Variants in IL7 observed in about 807,000 individuals in gnomAD.
The protein encoded by IL7 is interleukin-7.
In IL7, 3 loss-of-function variants were observed where a neutral mutation model predicts 21.6. The observed-to-expected ratio is 0.14, with a 90% CI of 0.06 to 0.36. The LOEUF (loss-of-function observed/expected upper bound fraction) is 0.36. Among genes scored for constraint, IL7 ranks in the 10% least tolerant of loss-of-function variants. IL7 has a pLI of 1.00. For missense variants in IL7, 175 were observed against 200.2 expected (o/e 0.87, Z 0.76); for synonymous variants, 62 against 68.1 (o/e 0.91, Z 0.44).
At chr8:78,719,096 A>G (rs908514705) in exon 6 of IL7, 1 of 151,808 alleles carries the variant, frequency 6.6e-6, no homozygotes, top group African/African-American at 2.4e-5. Flanking sequence ...CAAATAGTCC[A>G]TCAACTAAAA....
intron 2 of IL7, among the ~76,000 whole-genome samples, chr8:78,786,663 C>G (rs1351673061): frequency 1.3e-5 from 2 of 152,168 alleles, no homozygotes; most frequent in African/African-American, 4.8e-5. Flanking sequence ...TATATGCAGT[C>G]CCTCATTGAC....
chr8:78,793,513 A>C (rs1386431922), intron 2 of IL7, among the ~76,000 whole-genome samples: 2 of 152,146 alleles, frequency 1.3e-5, no homozygotes, highest in Non-Finnish European at 2.9e-5. Flanking sequence ...CAATGTATAC[A>C]TTTTAATTTA....
intron 3 of IL7, among the ~76,000 whole-genome samples, chr8:78,687,958 ATATT>A (rs1322614650): frequency 6.9e-6 from 1 of 144,356 alleles, no homozygotes; most frequent in African/African-American, 2.5e-5. Context: ...AACTATATCT[ATATT>A]TATATATAAA....
At chr8:78,686,641 G>T in intron 3 of IL7, 2 of 1,431,698 alleles carry the variant, frequency 1.4e-6, no homozygotes, top group Non-Finnish European at 9.2e-7. Context: ...AAATGTTCAT[G>T]TGGAAAGAAA....
chr8:78,776,618 G>T (rs899837125), intron 2 of IL7, among the ~76,000 whole-genome samples: 1 of 152,044 alleles, frequency 6.6e-6, no homozygotes, highest in Non-Finnish European at 1.5e-5. Context: ...AATTTAGAGA[G>T]CATTGTTGCA....
intron 5 of IL7, among the ~76,000 whole-genome samples, chr8:78,720,455 T>C (rs1456546978): frequency 6.6e-6 from 1 of 151,870 alleles, no homozygotes; most frequent in Non-Finnish European, 1.5e-5. Flanking sequence ...TCAATGCTCC[T>C]CATTTTAAAC....
At chr8:78,677,991 C>G (rs1387494658) in intron 4 of IL7, among the ~76,000 whole-genome samples, 1 of 152,104 alleles carries the variant, frequency 6.6e-6, no homozygotes, top group Non-Finnish European at 1.5e-5. Flanking sequence ...CCTGATGTTG[C>G]CATGGCATTT....
chr8:78,745,049 G>C (rs189962855), intron 2 of IL7, among the ~76,000 whole-genome samples: 1 of 152,246 alleles, frequency 6.6e-6, no homozygotes, highest in Non-Finnish European at 1.5e-5. Context: ...GTATTTACTC[G>C]CCCTTTTGTC....
chr8:78,752,361 A>G (rs1812203843), intron 2 of IL7, among the ~76,000 whole-genome samples: 1 of 152,214 alleles, frequency 6.6e-6, no homozygotes, highest in Non-Finnish European at 1.5e-5. Flanking sequence ...ACTGTTTTCA[A>G]TAATGGCTGT....
intron 2 of IL7, among the ~76,000 whole-genome samples, chr8:78,782,691 C>A (rs1328406224): frequency 1.3e-5 from 2 of 152,078 alleles, no homozygotes; most frequent in Non-Finnish European, 2.9e-5. Context: ...CTCACCCAGT[C>A]AGGAGAACAG....
chr8:78,735,276 C>CTTTTTTTTTTTTTTTTTCTTTTTTTTTTT, intron 5 of IL7, among the ~76,000 whole-genome samples: 1 of 78,518 alleles, frequency 1.3e-5, no homozygotes, highest in East Asian at 3.7e-4. Flanking sequence ...CTTTTCTTTT[C>CTTTTTTTTTTTTTTTTTCTTTTTTTTTTT]TTTTTTTTTT....
intron 3 of IL7, among the ~76,000 whole-genome samples, chr8:78,687,963 T>C (rs1201372182): frequency 6.9e-6 from 1 of 144,454 alleles, no homozygotes; most frequent in African/African-American, 2.5e-5. Flanking sequence ...TATCTATATT[T>C]ATATATAAAT....
At chr8:78,697,434 A>G (rs776838149) in intron 3 of IL7, 1 of 1,603,656 alleles carries the variant, frequency 6.2e-7, no homozygotes, top group East Asian at 2.3e-5. Context: ...TAAAAAGTCA[A>G]ATTCTCCTGG....
At chr8:78,712,012 C>T (rs1238078393) in intron 3 of IL7, 3 of 1,289,504 alleles carry the variant, frequency 2.3e-6, no homozygotes, top group Non-Finnish European at 3.0e-6. Flanking sequence ...GTTAGGCCCT[C>T]CACTTCGAAC....
chr8:78,718,513 G>A (rs922702157), intron 6 of IL7: 1 of 151,324 alleles, frequency 6.6e-6, no homozygotes, highest in African/African-American at 2.4e-5. Flanking sequence ...TTTTTTTCTT[G>A]GAAGTACATG....
At position 78,677,226 on chromosome 8, in the gene IL7, A is replaced by G. The variant is rs890912586; in HGVS notation, n.274-1122T>C. 5.9e-5 allele frequency among the ~76,000 whole-genome samples: 9 copies of G among 152,266 alleles called. No homozygotes were observed. The East Asian group carries it at 1.7e-3, about 29-fold the overall frequency. On this transcript the variant is annotated intron_variant and non_coding_transcript_variant, in intron 4 of 4. Transcript: ENST00000523959. ...AGTATTTAGTTTACCGATGTCATCAATCATCATGCTTAATATAGTGGAGGG... is the reference window on the plus strand; with the variant it reads ...AGTATTTAGTTTACCGATGTCATCAGTCATCATGCTTAATATAGTGGAGGG...
intron 2 of IL7, among the ~76,000 whole-genome samples, chr8:78,773,505 G>T (rs1391130636): frequency 6.6e-6 from 1 of 152,116 alleles, no homozygotes; most frequent in African/African-American, 2.4e-5. Flanking sequence ...AAGGCACTGA[G>T]GTACAAAAAT....
At chr8:78,703,127 C>T (rs994716341) in intron 3 of IL7, among the ~76,000 whole-genome samples, 3 of 152,178 alleles carry the variant, frequency 2.0e-5, no homozygotes, top group Admixed American at 2.0e-4. Context: ...AAACCCCTAA[C>T]CTCAGGTCAT....
At chr8:78,774,855 T>C (rs1188993801) in intron 2 of IL7, among the ~76,000 whole-genome samples, 1 of 152,072 alleles carries the variant, frequency 6.6e-6, no homozygotes, top group Admixed American at 6.6e-5. Flanking sequence ...AAACTTGTGA[T>C]TGTGAGTTTT....
Sources: allele counts gnomAD v4.1 joint callset (sites outside exome capture counted in the v4.1 genomes callset), GRCh38; gene constraint gnomAD v4.1.1; transcripts MANE v1.5; gene names NCBI Gene and HGNC (gene_info 2026-07-23, HGNC 2026-07-21).